The following MGMT variants were observed in gnomAD, a reference collection of about 807,000 sequenced individuals.
The protein encoded by MGMT is methylated-DNA--protein-cysteine methyltransferase.
In MGMT, 14 loss-of-function variants were observed where a neutral mutation model predicts 15.9. That is an observed-to-expected ratio of 0.88 (90% CI 0.58 to 1.37). MGMT has a LOEUF of 1.37. Ranked by LOEUF, MGMT falls within the 40% of genes most tolerant of loss-of-function variation. MGMT has a pLI of 0.00. For synonymous variants in MGMT, 130 were observed against 118.2 expected (o/e 1.10, Z -0.65); for missense variants, 282 against 268.1 (o/e 1.05, Z -0.36).
At chr10:129,739,387 C>T (rs1298191112) in intron 3 of MGMT, among the ~76,000 whole-genome samples, 1 of 152,172 alleles carries the variant, frequency 6.6e-6, no homozygotes, top group Non-Finnish European at 1.5e-5. Context: ...TGACATGATT[C>T]TATATTTAGA....
At chr10:129,675,239 C>T (rs758850319) in intron 2 of MGMT, among the ~76,000 whole-genome samples, 15 of 152,090 alleles carry the variant, frequency 9.9e-5, no homozygotes, top group Non-Finnish European at 1.6e-4. Context: ...GGAGAAGCCA[C>T]GGGCAACCAG....
intron 2 of MGMT, among the ~76,000 whole-genome samples, chr10:129,692,296 C>T (rs146377557): frequency 0.014 from 2,163 of 152,232 alleles, 52 homozygotes; most frequent in African/African-American, 0.048. Flanking sequence ...GGAGCCTGAG[C>T]GGCGGCTTCC....
At chr10:129,586,447 T>A (rs1846619157) in intron 2 of MGMT, among the ~76,000 whole-genome samples, 1 of 152,232 alleles carries the variant, frequency 6.6e-6, no homozygotes, top group African/African-American at 2.4e-5. Context: ...ACATATATAT[T>A]GTATTTTACA....
At chr10:129,625,994 CAT>C (rs1847144073) in intron 2 of MGMT, among the ~76,000 whole-genome samples, 1 of 152,236 alleles carries the variant, frequency 6.6e-6, no homozygotes, top group African/African-American at 2.4e-5. Context: ...CTGATTCCCA[CAT>C]GTCCCTTCAG....
At chr10:129,561,863 A>G (rs1317776040) in intron 2 of MGMT, among the ~76,000 whole-genome samples, 1 of 152,226 alleles carries the variant, frequency 6.6e-6, no homozygotes, top group African/African-American at 2.4e-5. Flanking sequence ...CACTGCACCC[A>G]GGACTTGTAA....
chr10:129,658,889 G>A (rs1847562577), intron 2 of MGMT, among the ~76,000 whole-genome samples: 1 of 152,136 alleles, frequency 6.6e-6, no homozygotes, highest in Non-Finnish European at 1.5e-5. Flanking sequence ...GTAGGCTACT[G>A]TAAGCTGTAG....
chr10:129,587,022 G>A (rs1362925292), intron 2 of MGMT, among the ~76,000 whole-genome samples: 2 of 152,172 alleles, frequency 1.3e-5, no homozygotes, highest in Non-Finnish European at 2.9e-5. Context: ...AGAATTTTGA[G>A]TTTTCTCTTT....
At position 129,756,215 on chromosome 10, in the gene MGMT, C is replaced by T. The variant is rs142122931; in HGVS notation, c.275-2987C>T. On this transcript the variant is annotated intron_variant, in intron 3 of 4. Transcript: ENST00000651593. ...AAGCCGAAATGAAAATAGCCATGTC[C>T]TTCAGATGCAGAGACTCCAAGATGC... Among the ~76,000 whole-genome samples, 356 of 152,314 alleles carry T rather than the reference C, an allele frequency of 2.3e-3. 1 individual carries two copies. Among genetic ancestry groups the T allele is most frequent in the Non-Finnish European group, 3.7e-3 (254 of 68,032 alleles).
chr10:129,474,011 G>A lies in MGMT; in HGVS notation c.-13+6715G>A, dbSNP rs964171087. Among the ~76,000 whole-genome samples, 4 of 152,194 alleles carry A rather than the reference G, an allele frequency of 2.6e-5. No homozygotes were observed. The East Asian group carries it at 7.7e-4, about 29-fold the overall frequency. ...CCCTCTGAAACATTTGCGGGACTGT[G>A]GCTACCGGTCAGGTTTCTCCAAGTG... On this transcript the variant is annotated intron_variant, in intron 1 of 4. Coordinates refer to ENST00000651593, the MANE Select transcript of MGMT (RefSeq NM_002412.5).
At chr10:129,578,592 T>C (rs1846515727) in intron 2 of MGMT, among the ~76,000 whole-genome samples, 1 of 152,034 alleles carries the variant, frequency 6.6e-6, no homozygotes, top group Non-Finnish European at 1.5e-5. Context: ...AAATGACAAG[T>C]TAATGGGTGC....
intron 2 of MGMT, among the ~76,000 whole-genome samples, chr10:129,604,048 A>G (rs1304573033): frequency 6.6e-6 from 1 of 152,206 alleles, no homozygotes; most frequent in South Asian, 2.1e-4. Context: ...TTCAAAAGTC[A>G]GTGCTATACA....
chr10:129,723,005 CAAAAAAAAAA>C (rs3039560), intron 3 of MGMT, among the ~76,000 whole-genome samples: 1 of 60,254 alleles, frequency 1.7e-5, no homozygotes, highest in Non-Finnish European at 3.1e-5. Flanking sequence ...GACTCTATCA[CAAAAAAAAAA>C]AAAAAAAAAA....
At chr10:129,753,134 A>G (rs376413099) in intron 3 of MGMT, among the ~76,000 whole-genome samples, 23 of 152,262 alleles carry the variant, frequency 1.5e-4, no homozygotes, top group African/African-American at 5.3e-4. Flanking sequence ...TCTTTCTTTC[A>G]GCACTTCAAA....
rs776229993 is a variant in MGMT, at chr10:129,766,804, C to T, written c.431C>T (p.Pro144Leu). 5.0e-6 allele frequency: 8 copies of T among 1,612,866 alleles called. No individual in the cohort carries two copies. Among genetic ancestry groups the T allele is most frequent in the Non-Finnish European group, 6.8e-6 (8 of 1,179,886 alleles). Residue 144 changes from proline (P) to leucine (L), a missense_variant, in exon 5 of 5, where the codon CCG (proline) becomes CTG (leucine). Transcript: ENST00000651593. The part of the protein sequence containing the change: ...MRGNPVPILI[P>L]CHRVVCSSGA... ...GTCTTCCAGGTCCCCATCCTCATCCCGTGCCACAGAGTGGTCTGCAGCAGC... is the reference window on the plus strand; with the variant it reads ...GTCTTCCAGGTCCCCATCCTCATCCTGTGCCACAGAGTGGTCTGCAGCAGC...
intron 2 of MGMT, among the ~76,000 whole-genome samples, chr10:129,648,660 T>C (rs1847422993): frequency 6.7e-6 from 1 of 150,274 alleles, no homozygotes; most frequent in Non-Finnish European, 1.5e-5. Flanking sequence ...TTTCTTTCAC[T>C]TTTTTTCTTT....
chr10:129,755,016 G>T (rs1848789272), intron 3 of MGMT, among the ~76,000 whole-genome samples: 1 of 152,216 alleles, frequency 6.6e-6, no homozygotes, highest in Admixed American at 6.5e-5. Context: ...ACAACAGAGG[G>T]ATAACCCAGG....
chr10:129,529,185 G>A (rs1040956155), intron 1 of MGMT, among the ~76,000 whole-genome samples: 3 of 151,936 alleles, frequency 2.0e-5, no homozygotes, highest in Admixed American at 1.3e-4. Context: ...GGGGGAGCGG[G>A]GGCGTGGGTG....
chr10:129,738,235 G>T (rs531741451), intron 3 of MGMT, among the ~76,000 whole-genome samples: 188 of 152,328 alleles, frequency 1.2e-3, no homozygotes, highest in Middle Eastern at 0.01. Flanking sequence ...CTCCAAGCCA[G>T]GTGCGGGATA....
intron 2 of MGMT, among the ~76,000 whole-genome samples, chr10:129,549,435 C>T (rs955811447): frequency 6.6e-6 from 1 of 152,166 alleles, no homozygotes; most frequent in Non-Finnish European, 1.5e-5. Context: ...GCCTTAATAT[C>T]TGAGGGCGAG....
Sources: gnomAD v4.1 joint callset for allele counts (sites outside exome capture counted in the v4.1 genomes callset) on GRCh38, gnomAD v4.1.1 for gene constraint, MANE v1.5 for transcripts, NCBI Gene and HGNC (gene_info 2026-07-23, HGNC 2026-07-21) for gene names.